CALR3: variants seen among roughly 807,000 people sequenced by gnomAD.
CALR3 encodes calreticulin-3.
CALR3 carries 39 observed loss-of-function variants against 48.7 expected under a neutral mutation model. That is an observed-to-expected ratio of 0.80 (90% confidence interval 0.62 to 1.05). CALR3 has a LOEUF of 1.05. Among genes scored for constraint, CALR3 ranks in the 50% least tolerant of loss-of-function variants. The pLI is 0.00. For synonymous variants in CALR3, 185 were observed against 172.7 expected, an observed-to-expected ratio of 1.07 and a Z score of -0.56; for missense variants, 449 against 474.7, an observed-to-expected ratio of 0.95 and a Z score of 0.50.
chr19:16,486,542 C>T (rs771829675), intron 3 of CALR3, among the ~76,000 whole-genome samples: 6 of 150,248 alleles, frequency 4.0e-5, no homozygotes, highest in African/African-American at 1.5e-4. Context: ...ATGGCTTGAA[C>T]CTGGGAGGCG....
intron 8 of CALR3, 23 bp downstream of exon 8, chr19:16,480,591 A>C: frequency 6.6e-7 from 1 of 1,506,208 alleles, no homozygotes; most frequent in Non-Finnish European, 9.2e-7. Flanking sequence ...TGATGTAGGA[A>C]GAGTTAATCA....
intron 7 of CALR3, among the ~76,000 whole-genome samples, chr19:16,481,923 T>TTA (rs35650345): frequency 6.3e-5 from 8 of 126,312 alleles, no homozygotes; most frequent in Admixed American, 2.7e-4. Context: ...TTTTTTTTTT[T>TTA]TGAGACGGAG....
Position 16,482,390 on chromosome 19 carries a change from A to T in CALR3, c.918+60T>A, listed in dbSNP as rs1339571156. The T allele has an allele frequency of 1.9e-6, 3 of 1,609,156 alleles. No homozygotes were observed. In the African/African-American group the frequency reaches 4.0e-5, roughly 22 times the overall value. ...TGAGACCCTGTCTCAACAAAACAAAACAAAACAAAACAAAACACACACACG... is the reference window on the plus strand; with the variant it reads ...TGAGACCCTGTCTCAACAAAACAAATCAAAACAAAACAAAACACACACACG... On this transcript the variant is annotated intron_variant, in intron 7 of 8. Coordinates refer to ENST00000269881, the MANE Select transcript of CALR3 (RefSeq NM_145046.5).
Position 16,479,191 on chromosome 19 carries a change from C to G in CALR3, c.1095G>C (p.Ser365=), listed in dbSNP as rs200844516. The change falls in exon 9 of 9, where the codon TCG becomes TCC. Residue 365 remains serine (S), a synonymous_variant. Coordinates refer to ENST00000269881, the MANE Select transcript of CALR3 (RefSeq NM_145046.5). ...AATGTTCGTGCCTGTTAATTTTTCC[C>G]GACAGCAGCTCTTCCTCCTCTTCCT... ...AREEEEEELL[S]GKINRHEHYF... 35 of 1,613,938 alleles carry G rather than the reference C, an allele frequency of 2.2e-5. No individual in the cohort carries two copies. Among genetic ancestry groups the G allele is most frequent in the Non-Finnish European group, 2.8e-5 (33 of 1,180,020 alleles).
rs771137388 is a variant in CALR3, at chr19:16,483,919, A to G, written c.678+11T>C. The G allele has an allele frequency of 1.2e-6, 2 of 1,613,612 alleles. No homozygotes were observed. The highest frequency in any genetic ancestry group is 1.7e-5 in the Admixed American group (1 of 59,928). ...GTGCACTTTTTAGAGTTGCCCAGGA[A>G]AAATTCACACCTGGGCTTTGTTGTC... On this transcript the variant is annotated intron_variant, in intron 5 of 8. Transcript: ENST00000269881.
At chr19:16,479,789 A>C (rs937106614) in intron 8 of CALR3, among the ~76,000 whole-genome samples, 1 of 151,950 alleles carries the variant, frequency 6.6e-6, no homozygotes. Context: ...AAACAAAAAA[A>C]GCCCCAGAGG....
chr19:16,483,836 TCGTGGCTACCAG>T, intron 5 of CALR3, 82 bp downstream of exon 5: 1 of 1,318,244 alleles, frequency 7.6e-7, no homozygotes, highest in East Asian at 2.5e-5. Context: ...AATATTGCCA[TCGTGGCTACCAG>T]CCATGCAGCA....
At chr19:16,491,844 CTTTT>C (rs773293183) in intron 2 of CALR3, among the ~76,000 whole-genome samples, 19 of 148,262 alleles carry the variant, frequency 1.3e-4, no homozygotes, top group African/African-American at 2.4e-4. Context: ...TTCTTTCTTT[CTTTT>C]CTTTTTTCTT....
At position 16,482,566 on chromosome 19, in the gene CALR3, CT is replaced by C. The variant is rs1475737165; in HGVS notation, c.801del (p.Glu268LysfsTer13). ...QKPPYQDGLKPEGIHKDVWLH... is the reference protein window; with the variant it reads ...QKPPYQDGLKXEGIHKDVWLH... Reference sequence around the variant, plus strand: ...AGCCAGACGTCTTTATGAATACCTTCTGGTTTCAGGCCATCCTGTATCAAAA... The same window carrying C: ...AGCCAGACGTCTTTATGAATACCTTCGGTTTCAGGCCATCCTGTATCAAAA... On this transcript the variant is annotated frameshift_variant, in exon 7 of 9. Coordinates refer to ENST00000269881, the MANE Select transcript of CALR3 (RefSeq NM_145046.5). LOFTEE classifies it high-confidence loss of function. 6.2e-7 allele frequency: 1 copy of C among 1,614,082 alleles called. No individual in the cohort carries two copies. Among genetic ancestry groups the C allele is most frequent in the African/African-American group, 1.3e-5 (1 of 74,934 alleles).
At chr19:16,485,088 A>G (rs1480406313) in intron 4 of CALR3, 75 bp downstream of exon 4, 7 of 1,032,724 alleles carry the variant, frequency 6.8e-6, no homozygotes, top group Non-Finnish European at 1.0e-5. Flanking sequence ...TAAGTATTTT[A>G]TTATCAAAAC....
intron 3 of CALR3, among the ~76,000 whole-genome samples, 164 bp downstream of exon 3, chr19:16,490,203 T>C (rs1051561361): frequency 6.6e-6 from 1 of 152,162 alleles, no homozygotes; most frequent in Admixed American, 6.6e-5. Flanking sequence ...TTAGGCTTAA[T>C]AGTGCTTGGA....
intron 2 of CALR3, 60 bp from the exon 3 acceptor site, chr19:16,490,630 A>C: frequency 2.1e-6 from 3 of 1,427,502 alleles, no homozygotes; most frequent in Non-Finnish European, 3.0e-6. Flanking sequence ...TAACGCAGGA[A>C]GTTAAATCGA....
intron 2 of CALR3, among the ~76,000 whole-genome samples, chr19:16,493,710 C>T (rs535397045): frequency 5.3e-5 from 8 of 151,480 alleles, no homozygotes; most frequent in Middle Eastern, 6.8e-3. Flanking sequence ...CCACCATGCT[C>T]GGCTAATATT....
chr19:16,489,095 A>G (rs1188748484), intron 3 of CALR3, among the ~76,000 whole-genome samples: 1 of 152,262 alleles, frequency 6.6e-6, no homozygotes, highest in Non-Finnish European at 1.5e-5. Context: ...ACCAGTTAAA[A>G]ACGTAAAAAA....
At chr19:16,479,975 C>T (rs1413038799) in intron 8 of CALR3, among the ~76,000 whole-genome samples, 1 of 151,792 alleles carries the variant, frequency 6.6e-6, no homozygotes, top group Non-Finnish European at 1.5e-5. Flanking sequence ...GAGGCCGAGG[C>T]AGGCAGATCA....
chr19:16,480,210 A>T (rs2093378465), intron 8 of CALR3, among the ~76,000 whole-genome samples: 1 of 142,640 alleles, frequency 7.0e-6, no homozygotes, highest in South Asian at 2.1e-4. Context: ...CAAAAAAAAA[A>T]AAAAAAAAAA....
At chr19:16,487,462 G>A (rs1457706803) in intron 3 of CALR3, among the ~76,000 whole-genome samples, 7 of 133,594 alleles carry the variant, frequency 5.2e-5, no homozygotes, top group Non-Finnish European at 9.4e-5. Flanking sequence ...CCTGGGCGAC[G>A]AGCGAAGCTG....
chr19:16,482,599 T>G lies in CALR3; in HGVS notation c.787-18A>C. 6.2e-7 allele frequency: 1 copy of G among 1,614,034 alleles called. No homozygotes were observed. The highest frequency in any genetic ancestry group is 8.5e-7 in the Non-Finnish European group (1 of 1,180,000). On this transcript the variant is annotated intron_variant, in intron 6 of 8. Coordinates refer to ENST00000269881, the MANE Select transcript of CALR3 (RefSeq NM_145046.5). Reference sequence around the variant, plus strand: ...AGGCCATCCTGTATCAAAAAAACCATATGGGGTGGTCTCAATGACATGGGC... The same window carrying G: ...AGGCCATCCTGTATCAAAAAAACCAGATGGGGTGGTCTCAATGACATGGGC...
Position 16,482,477 on chromosome 19 carries a change from A to T in CALR3, c.891T>A (p.Ile297=). 6.2e-7 allele frequency: 1 copy of T among 1,614,266 alleles called. No homozygotes were observed. Among genetic ancestry groups the T allele is most frequent in the East Asian group, 2.2e-5 (1 of 44,892 alleles). ...GCCAAAGCTCCAGGCCAATGGCACC[A>T]ATGTTCTCAAATTCTGAGAGGTCAT... ...TQYDLSEFEN[I]GAIGLELWQV... Residue 297 remains isoleucine (I), a synonymous_variant, in exon 7 of 9, where the codon ATT becomes ATA. Coordinates refer to ENST00000269881, the MANE Select transcript of CALR3 (RefSeq NM_145046.5).
Sources: allele counts gnomAD v4.1 joint callset (sites outside exome capture counted in the v4.1 genomes callset), GRCh38; gene constraint gnomAD v4.1.1; transcripts MANE v1.5; gene names NCBI Gene and HGNC (gene_info 2026-07-23, HGNC 2026-07-21).